Variants in ADGRA3 observed in about 807,000 individuals in gnomAD.
The protein encoded by ADGRA3 is G-protein coupled receptor 125.
Under a neutral mutation model 119.8 loss-of-function variants are expected in ADGRA3, and 56 were observed. The observed-to-expected ratio is 0.47, with a 90% CI of 0.38 to 0.58. ADGRA3 has a LOEUF of 0.58. Ranked by LOEUF, ADGRA3 falls within the 20% of genes least tolerant of loss-of-function variation. The pLI, the probability that ADGRA3 is intolerant of heterozygous loss-of-function variation, is 0.00. For synonymous variants in ADGRA3, 607 were observed against 623.8 expected (o/e 0.97, Z 0.40); for missense variants, 1,516 against 1,649.0 (o/e 0.92, Z 1.40).
At chr4:22,508,019 C>T (rs1719305444) in intron 1 of ADGRA3, among the ~76,000 whole-genome samples, 1 of 152,216 alleles carries the variant, frequency 6.6e-6, no homozygotes, top group Non-Finnish European at 1.5e-5. Context: ...TGCTCTTCCA[C>T]CACGTAGTCG....
chr4:22,461,243 C>T (rs1717439175), intron 3 of ADGRA3, among the ~76,000 whole-genome samples: 1 of 152,254 alleles, frequency 6.6e-6, no homozygotes, highest in East Asian at 1.9e-4. Flanking sequence ...CCATCCACCA[C>T]CAAACAAATC....
Position 22,402,782 on chromosome 4 carries a change from TTCAGATCCCG to T in ADGRA3, c.2240_2249del (p.Thr747AsnfsTer26). 1.2e-6 allele frequency: 2 copies of T among 1,612,162 alleles called. No individual in the cohort carries two copies. The highest frequency in any genetic ancestry group is 1.7e-6 in the Non-Finnish European group (2 of 1,179,414). On this transcript the variant is annotated frameshift_variant, in exon 15 of 19. Transcript: ENST00000334304. LOFTEE classifies it high-confidence loss of function. ...GGAGGCTGGCCGCCTGGGTGTATAG[TTCAGATCCCG>T]TCAAATCCTGAGGGCAAAAAGAAAG...
At position 22,439,440 on chromosome 4, in the gene ADGRA3, G is replaced by A. The variant is rs1002494353; in HGVS notation, c.921-1020C>T. Among the ~76,000 whole-genome samples, 8 of 152,126 alleles carry A rather than the reference G, an allele frequency of 5.3e-5. No individual in the cohort carries two copies. In the East Asian group the frequency reaches 7.7e-4, roughly 15 times the overall value. The stretch of plus-strand genomic sequence containing the variant: ...ATTTCCCCCACAGGACCCAGTATGC[G>A]TTGCTGTTATGTAGACACAAATGAT... On this transcript the variant is annotated intron_variant, in intron 7 of 18. Coordinates refer to ENST00000334304, the MANE Select transcript of ADGRA3 (RefSeq NM_145290.4).
chr4:22,463,550 GA>G, intron 2 of ADGRA3, among the ~76,000 whole-genome samples: 1 of 152,138 alleles, frequency 6.6e-6, no homozygotes. Context: ...ATGCTCCAAG[GA>G]AGTCTGGCTG....
intron 2 of ADGRA3, among the ~76,000 whole-genome samples, chr4:22,472,481 G>C (rs1254870914): frequency 1.3e-5 from 2 of 152,068 alleles, no homozygotes; most frequent in African/African-American, 4.8e-5. Context: ...TAGGAATATT[G>C]AAATAAAGTG....
chr4:22,437,467 T>C (rs561632730), intron 8 of ADGRA3, among the ~76,000 whole-genome samples: 4 of 152,300 alleles, frequency 2.6e-5, no homozygotes, highest in South Asian at 2.1e-4. Flanking sequence ...ACAATCTTTA[T>C]GCTGCTTCAA....
At chr4:22,405,776 T>C (rs1479557877) in intron 14 of ADGRA3, among the ~76,000 whole-genome samples, 2 of 152,160 alleles carry the variant, frequency 1.3e-5, no homozygotes, top group Admixed American at 6.5e-5. Flanking sequence ...ATTTATGGCA[T>C]ACATGTAGTA....
At chr4:22,409,520 C>T (rs887815208) in intron 14 of ADGRA3, among the ~76,000 whole-genome samples, 2 of 152,200 alleles carry the variant, frequency 1.3e-5, no homozygotes, top group African/African-American at 4.8e-5. Flanking sequence ...TTTAACCTCT[C>T]TCTGCCTCAG....
intron 2 of ADGRA3, among the ~76,000 whole-genome samples, chr4:22,470,492 T>A (rs1577367982): frequency 6.6e-6 from 1 of 152,090 alleles, no homozygotes; most frequent in Non-Finnish European, 1.5e-5. Context: ...CCCTACAAAA[T>A]CCTAACCTTT....
At chr4:22,444,342 A>C (rs1716746632) in intron 6 of ADGRA3, among the ~76,000 whole-genome samples, 1 of 152,010 alleles carries the variant, frequency 6.6e-6, no homozygotes, top group African/African-American at 2.4e-5. Flanking sequence ...CTGTAGTGCA[A>C]TGGCACGATC....
At chr4:22,470,755 C>T (rs1191203422) in intron 2 of ADGRA3, among the ~76,000 whole-genome samples, 1 of 152,172 alleles carries the variant, frequency 6.6e-6, no homozygotes, top group East Asian at 1.9e-4. Context: ...AATGGCTTTA[C>T]TCAGGGGGTG....
At chr4:22,509,093 G>A (rs1347303062) in intron 1 of ADGRA3, among the ~76,000 whole-genome samples, 7 of 152,164 alleles carry the variant, frequency 4.6e-5, no homozygotes, top group African/African-American at 7.2e-5. Context: ...CCCAGAGCTA[G>A]TGAACAGAAC....
intron 4 of ADGRA3, among the ~76,000 whole-genome samples, chr4:22,449,064 A>T (rs1470588433): frequency 2.0e-5 from 3 of 152,108 alleles, no homozygotes; most frequent in South Asian, 2.1e-4. Context: ...TGAGGTCGGG[A>T]GTTTGAGACC....
At position 22,402,685 on chromosome 4, in the gene ADGRA3, A is replaced by G; in HGVS notation, c.2347T>C (p.Tyr783His). 2.5e-6 allele frequency: 4 copies of G among 1,613,526 alleles called. No homozygotes were observed. Among genetic ancestry groups the G allele is most frequent in the Non-Finnish European group, 3.4e-6 (4 of 1,179,676 alleles). Residue 783 changes from tyrosine to histidine, a missense_variant, in exon 15 of 19, where the codon TAC (tyrosine) becomes CAC (histidine). Tyr to His is a moderately conservative substitution (Grantham distance 83, BLOSUM62 2). This residue lies in a region of ADGRA3 where 1,088 missense variants were observed against 1,107.1 expected (regional missense o/e 0.98). Transcript: ENST00000334304. ...CLLAVIVSYI[Y>H]HHSLIRISLK... is the part of the protein sequence containing the mutation. ...AGATGTATTTCTTACCTGTGATGGT[A>G]TATGTAACTGACAATGACGGCTAAG...
chr4:22,492,553 G>C (rs1560344568), intron 1 of ADGRA3, among the ~76,000 whole-genome samples: 1 of 152,056 alleles, frequency 6.6e-6, no homozygotes, highest in African/African-American at 2.4e-5. Flanking sequence ...GTGGGTGGAA[G>C]AAAAAATAAA....
At chr4:22,505,012 A>T (rs1308902911) in intron 1 of ADGRA3, among the ~76,000 whole-genome samples, 1 of 152,148 alleles carries the variant, frequency 6.6e-6, no homozygotes, top group Non-Finnish European at 1.5e-5. Flanking sequence ...AGGTAGGGTA[A>T]CTACTCCTCT....
intron 1 of ADGRA3, chr4:22,477,811 T>TG (rs1718105545): frequency 1.3e-5 from 2 of 152,220 alleles, no homozygotes; most frequent in African/African-American, 4.8e-5. Flanking sequence ...CTACACATTA[T>TG]TTGATGTGTT....
At chr4:22,456,702 T>C (rs569438256) in intron 3 of ADGRA3, among the ~76,000 whole-genome samples, 2 of 152,292 alleles carry the variant, frequency 1.3e-5, no homozygotes, top group East Asian at 3.9e-4. Flanking sequence ...TCTGTGATCA[T>C]GTAAGCCAAT....
At position 22,387,393 on chromosome 4, in the gene ADGRA3, C is replaced by G. The variant is rs1713870485; in HGVS notation, c.*312G>C. The G allele has an allele frequency of 4.1e-6, 1 of 243,158 alleles. No individual in the cohort carries two copies. Among genetic ancestry groups the G allele is most frequent in the African/African-American group, 2.3e-5 (1 of 44,438 alleles). 15.1% of individuals were successfully genotyped at this position (243,158 alleles called of 1,614,324 possible). On this transcript the variant is annotated 3_prime_UTR_variant, in exon 19 of 19. Coordinates refer to ENST00000334304, the MANE Select transcript of ADGRA3 (RefSeq NM_145290.4). ...AACAGATCGACACAATAACAAACACCTATTTATTATATTAAATACAAGCCT... is the reference window on the plus strand; with the variant it reads ...AACAGATCGACACAATAACAAACACGTATTTATTATATTAAATACAAGCCT...
Sources: gnomAD v4.1 joint callset for allele counts (sites outside exome capture counted in the v4.1 genomes callset) on GRCh38, gnomAD v4.1.1 for gene constraint, gnomAD v4.1.1 regional missense constraint, MANE v1.5 for transcripts, NCBI Gene and HGNC (gene_info 2026-07-23, HGNC 2026-07-21) for gene names.